EBF2: variants seen among roughly 807,000 people sequenced by gnomAD.
The protein encoded by EBF2 is transcription factor COE2.
In EBF2, 21 loss-of-function variants were observed where a neutral mutation model predicts 72.8. The ratio of observed to expected loss-of-function variants is 0.29; its 90% confidence interval spans 0.20 to 0.42. The LOEUF (loss-of-function observed/expected upper bound fraction) is 0.42. EBF2 is among the 10% of genes least tolerant of loss of function. The pLI is 1.00. For missense variants in EBF2, 637 were observed against 731.2 expected, an observed-to-expected ratio of 0.87 and a Z score of 1.49; for synonymous variants, 299 against 274.2, an observed-to-expected ratio of 1.09 and a Z score of -0.89.
At chr8:25,848,246 A>C (rs1213004259) in intron 15 of EBF2, among the ~76,000 whole-genome samples, 1 of 152,000 alleles carries the variant, frequency 6.6e-6, no homozygotes, top group Non-Finnish European at 1.5e-5. Context: ...CCTTACAGTG[A>C]CTCTAGAAAT....
At chr8:25,913,868 CTTG>C (rs887380157) in intron 6 of EBF2, among the ~76,000 whole-genome samples, 12 of 152,202 alleles carry the variant, frequency 7.9e-5, no homozygotes, top group African/African-American at 2.4e-4. Context: ...GTTAAACCTC[CTTG>C]TTTTTAGCCC....
chr8:26,040,481 GGGAGGGGGACGT>G, intron 4 of EBF2, 123 bp downstream of exon 4: 1 of 780,520 alleles, frequency 1.3e-6, no homozygotes, highest in Non-Finnish European at 2.0e-6. Flanking sequence ...ACAAGGTGCT[GGGAGGGGGACGT>G]GGAGGGGGCT....
intron 5 of EBF2, among the ~76,000 whole-genome samples, chr8:26,033,357 C>G (rs557756285): frequency 6.6e-6 from 1 of 152,266 alleles, no homozygotes; most frequent in Non-Finnish European, 1.5e-5. Flanking sequence ...AGCCTCCTGA[C>G]TAACTGGGAC....
chr8:25,926,069 C>T (rs1040346733), intron 6 of EBF2, among the ~76,000 whole-genome samples: 6 of 152,162 alleles, frequency 3.9e-5, no homozygotes, highest in African/African-American at 1.4e-4. Context: ...AGTCTTGCCT[C>T]AAACACGTGG....
intron 6 of EBF2, among the ~76,000 whole-genome samples, chr8:25,957,452 C>T (rs1023836446): frequency 1.3e-5 from 2 of 152,186 alleles, no homozygotes; most frequent in Non-Finnish European, 2.9e-5. Flanking sequence ...TTTTCCCCTC[C>T]CCCGCAGGCC....
chr8:25,877,529 A>T (rs1251154385), intron 10 of EBF2, among the ~76,000 whole-genome samples: 1 of 152,110 alleles, frequency 6.6e-6, no homozygotes, highest in Admixed American at 6.5e-5. Flanking sequence ...CAGAGCCCCG[A>T]TGTTGTTTGT....
At chr8:25,934,602 G>T (rs1803542548) in intron 6 of EBF2, among the ~76,000 whole-genome samples, 1 of 152,116 alleles carries the variant, frequency 6.6e-6, no homozygotes, top group African/African-American at 2.4e-5. Context: ...AATAGAGGCG[G>T]TCCTGCTGCA....
At chr8:25,959,497 G>T (rs541783512) in intron 6 of EBF2, among the ~76,000 whole-genome samples, 1 of 152,208 alleles carries the variant, frequency 6.6e-6, no homozygotes, top group South Asian at 2.1e-4. Flanking sequence ...GAGCCACAAG[G>T]CCTGGCCTAA....
chr8:26,044,736 C>A lies in EBF2; in HGVS notation c.124G>T (p.Ala42Ser), dbSNP rs915592112. ...GCGCGGCCGTGTCGTTACCTCTGCG[C>A]GGCGACATTAGCGTCCACCACTCCG... ...NVGVVDANVA[A>S]QSGVALSRAH... The change falls in exon 1 of 16, where the codon GCG (alanine) becomes TCG (serine). Residue 42 changes from alanine (A) to serine (S), a missense_variant. Ala to Ser is a moderately conservative substitution (Grantham distance 99). Coordinates refer to ENST00000520164, the MANE Select transcript of EBF2 (RefSeq NM_022659.4). This position sits in a 1 kb window ranked among gnomAD's most constrained non-coding sequence, Gnocchi z 4.1. 3.7e-6 allele frequency: 6 copies of A among 1,613,894 alleles called. No individual in the cohort carries two copies. Among genetic ancestry groups the A allele is most frequent in the Non-Finnish European group, 5.1e-6 (6 of 1,179,976 alleles).
intron 13 of EBF2, 32 bp from the exon 14 acceptor site, chr8:25,858,536 A>C: frequency 6.2e-7 from 1 of 1,600,676 alleles, no homozygotes; most frequent in Non-Finnish European, 8.5e-7. Flanking sequence ...CAGGTAAATC[A>C]ACAGGCGTGC....
At chr8:25,989,486 A>C (rs946829803) in intron 6 of EBF2, among the ~76,000 whole-genome samples, 1 of 152,246 alleles carries the variant, frequency 6.6e-6, no homozygotes, top group Non-Finnish European at 1.5e-5. Context: ...GTTATTTGGC[A>C]TAGGAAGCTC....
intron 6 of EBF2, among the ~76,000 whole-genome samples, chr8:25,985,737 T>C (rs563999573): frequency 2.6e-5 from 4 of 152,248 alleles, no homozygotes; most frequent in African/African-American, 9.6e-5. Flanking sequence ...CGGTCGCTTA[T>C]GCCTGTAATC....
chr8:26,002,430 C>T (rs951264678), intron 6 of EBF2, among the ~76,000 whole-genome samples: 2 of 152,256 alleles, frequency 1.3e-5, no homozygotes, highest in Admixed American at 1.3e-4. Flanking sequence ...CTACCCAACG[C>T]CTTTTGTAGC....
chr8:25,858,807 C>T lies in EBF2; in HGVS notation c.1343-303G>A, dbSNP rs114258173. On this transcript the variant is annotated intron_variant, in intron 13 of 15. Transcript: ENST00000520164. ...CCTGAGTAGCTGGGATTACAGGCAC[C>T]CTGCCATTGCGCCCGGCTAATTTTT... is the stretch of plus-strand genomic sequence containing the variant. 8.8e-3 allele frequency among the ~76,000 whole-genome samples: 1,329 copies of T among 151,774 alleles called. 21 individuals carry two copies. The highest frequency in any genetic ancestry group is 0.031 in the African/African-American group (1,266 of 41,360).
intron 7 of EBF2, among the ~76,000 whole-genome samples, chr8:25,896,727 T>C (rs531532140): frequency 1.3e-5 from 2 of 152,162 alleles, no homozygotes; most frequent in African/African-American, 4.8e-5. Flanking sequence ...TGCAGTTCCA[T>C]ATTGCAAGGA....
intron 6 of EBF2, among the ~76,000 whole-genome samples, chr8:25,976,569 C>T (rs1804271786): frequency 6.6e-6 from 1 of 152,102 alleles, no homozygotes; most frequent in Non-Finnish European, 1.5e-5. Flanking sequence ...ATTTGTTAAT[C>T]TGATATAGTT....
chr8:25,850,407 C>T (rs1458472242), intron 15 of EBF2, among the ~76,000 whole-genome samples, 187 bp downstream of exon 15: 1 of 152,238 alleles, frequency 6.6e-6, no homozygotes. Flanking sequence ...AGCCACCATG[C>T]CTGGCCCCAT....
At chr8:25,954,848 T>C (rs578008657) in intron 6 of EBF2, among the ~76,000 whole-genome samples, 2 of 152,324 alleles carry the variant, frequency 1.3e-5, no homozygotes, top group Admixed American at 1.3e-4. Context: ...CTCAGTGCAC[T>C]TTTAATTATA....
At chr8:25,860,487 C>CTTT (rs57717365) in intron 13 of EBF2, among the ~76,000 whole-genome samples, 5 of 139,494 alleles carry the variant, frequency 3.6e-5, no homozygotes, top group African/African-American at 1.3e-4. Context: ...ATACCCAATC[C>CTTT]TTTTTTTTTT....
Sources: gnomAD v4.1 joint callset for allele counts (sites outside exome capture counted in the v4.1 genomes callset) on GRCh38, gnomAD v4.1.1 for gene constraint, Gnocchi (gnomAD v3.1) non-coding constraint, MANE v1.5 for transcripts, NCBI Gene and HGNC (gene_info 2026-07-23, HGNC 2026-07-21) for gene names.